Variants in FOXN3 observed in about 807,000 individuals in gnomAD.
FOXN3 encodes forkhead box protein N3.
Under a neutral mutation model 38.4 loss-of-function variants are expected in FOXN3, and 7 were observed. The ratio of observed to expected loss-of-function variants is 0.18; its 90% CI spans 0.10 to 0.34. The LOEUF is 0.34. FOXN3 is among the 10% of genes least tolerant of loss of function. The pLI is 1.00. For missense variants in FOXN3, 456 were observed against 613.4 expected (o/e 0.74, Z 2.71); for synonymous variants, 230 against 242.2 (o/e 0.95, Z 0.47).
chr14:89,444,469 C>A, intron 1 of FOXN3, among the ~76,000 whole-genome samples: 1 of 122,412 alleles, frequency 8.2e-6, no homozygotes, highest in Admixed American at 7.4e-5. Context: ...TAAGTTATCA[C>A]TCTTTCAAGA....
chr14:89,410,547 GC>G (rs1413028967), intron 2 of FOXN3, among the ~76,000 whole-genome samples: 1 of 152,148 alleles, frequency 6.6e-6, no homozygotes, highest in Non-Finnish European at 1.5e-5. Flanking sequence ...CTTAACAGCT[GC>G]CCAATTTCTA....
intron 2 of FOXN3, among the ~76,000 whole-genome samples, chr14:89,378,706 C>CTTTT (rs35772860): frequency 7.3e-5 from 10 of 136,930 alleles, no homozygotes; most frequent in Non-Finnish European, 9.3e-5. Flanking sequence ...TCTTTTTGCA[C>CTTTT]TTTTTTTTTT....
chr14:89,305,260 C>T (rs968401746), intron 3 of FOXN3, among the ~76,000 whole-genome samples: 2 of 152,154 alleles, frequency 1.3e-5, no homozygotes, highest in South Asian at 2.1e-4. Flanking sequence ...TGACTTCAGA[C>T]GTTTATGCTG....
intron 1 of FOXN3, among the ~76,000 whole-genome samples, chr14:89,461,059 C>T (rs1337163215): frequency 1.3e-5 from 2 of 148,724 alleles, no homozygotes; most frequent in African/African-American, 2.5e-5. Flanking sequence ...GGGGGCTGGG[C>T]GCAGTGGCTC....
chr14:89,590,742 G>C (rs945471228), intron 1 of FOXN3, among the ~76,000 whole-genome samples: 1 of 151,986 alleles, frequency 6.6e-6, no homozygotes, highest in Non-Finnish European at 1.5e-5. Flanking sequence ...CCCTCTCCCC[G>C]AGAGTCAGCC....
chr14:89,519,535 G>A (rs1424243817), intron 1 of FOXN3, among the ~76,000 whole-genome samples: 1 of 148,022 alleles, frequency 6.8e-6, no homozygotes, highest in African/African-American at 2.6e-5. Flanking sequence ...GGAAGTTTGG[G>A]CAAAGCTGTT....
chr14:89,173,519 A>G (rs544328154), intron 5 of FOXN3, among the ~76,000 whole-genome samples: 1 of 152,394 alleles, frequency 6.6e-6, no homozygotes, highest in South Asian at 2.1e-4. Context: ...TTGTAATATC[A>G]AAGAACTATT....
chr14:89,581,201 G>T (rs551675694), intron 1 of FOXN3, among the ~76,000 whole-genome samples: 3 of 152,010 alleles, frequency 2.0e-5, no homozygotes, highest in African/African-American at 4.8e-5. Context: ...AACAAAAAAG[G>T]CTGGGTGCGG....
chr14:89,477,551 G>C (rs1893236321), intron 1 of FOXN3, among the ~76,000 whole-genome samples: 1 of 152,226 alleles, frequency 6.6e-6, no homozygotes, highest in Non-Finnish European at 1.5e-5. Context: ...CAACAGCCAA[G>C]AACACAGCTG....
At chr14:89,265,854 A>G (rs1456983841) in intron 4 of FOXN3, among the ~76,000 whole-genome samples, 1 of 152,218 alleles carries the variant, frequency 6.6e-6, no homozygotes, top group African/African-American at 2.4e-5. Flanking sequence ...AGGTCAAGTT[A>G]AAACAATTTC....
chr14:89,486,029 G>T (rs1244747142), intron 1 of FOXN3, among the ~76,000 whole-genome samples: 6 of 152,118 alleles, frequency 3.9e-5, no homozygotes, highest in African/African-American at 7.2e-5. Flanking sequence ...TCATAGCCCT[G>T]GCCCTATGCT....
chr14:89,449,377 T>C (rs1222858327), intron 1 of FOXN3, among the ~76,000 whole-genome samples: 4 of 152,178 alleles, frequency 2.6e-5, no homozygotes, highest in African/African-American at 9.7e-5. Context: ...TACATACACA[T>C]ACCTACACAA....
intron 1 of FOXN3, among the ~76,000 whole-genome samples, chr14:89,610,775 T>C (rs965666529): frequency 6.6e-6 from 1 of 152,236 alleles, no homozygotes; most frequent in African/African-American, 2.4e-5. Context: ...GCACAGTTCC[T>C]GGTATGCAGT....
chr14:89,442,411 C>A (rs960258817), intron 1 of FOXN3, among the ~76,000 whole-genome samples: 1 of 152,174 alleles, frequency 6.6e-6, no homozygotes. Context: ...GGAAACAGGT[C>A]TGCTCTCTCG....
intron 3 of FOXN3, among the ~76,000 whole-genome samples, chr14:89,310,986 A>G (rs965064593): frequency 1.3e-5 from 2 of 151,868 alleles, no homozygotes; most frequent in East Asian, 3.9e-4. Context: ...CACACCTGTA[A>G]TCTCAGCTAC....
chr14:89,381,145 CAAAAAAAAAAA>C (rs71130067), intron 2 of FOXN3, among the ~76,000 whole-genome samples: 22 of 64,204 alleles, frequency 3.4e-4, no homozygotes, highest in South Asian at 8.1e-4. Flanking sequence ...CCCTCCGTCT[CAAAAAAAAAAA>C]AAAAAAAAAA....
chr14:89,314,405 G>A (rs1022524503), intron 3 of FOXN3, among the ~76,000 whole-genome samples: 2 of 145,712 alleles, frequency 1.4e-5, no homozygotes, highest in Non-Finnish European at 3.0e-5. Context: ...TTTTAATAGT[G>A]TATAAATTTA....
At chr14:89,330,921 G>A (rs1023901653) in intron 3 of FOXN3, among the ~76,000 whole-genome samples, 7 of 152,218 alleles carry the variant, frequency 4.6e-5, no homozygotes, top group Non-Finnish European at 1.0e-4. Context: ...GCCCACCAAG[G>A]GGTAGGCTGA....
intron 1 of FOXN3, among the ~76,000 whole-genome samples, chr14:89,530,004 G>A (rs543735096): frequency 8.6e-5 from 13 of 151,132 alleles, no homozygotes; most frequent in Non-Finnish European, 1.0e-4. Flanking sequence ...GCAGTGGTGC[G>A]ATCTTGGCTC....
Sources: gnomAD v4.1 joint callset for allele counts (sites outside exome capture counted in the v4.1 genomes callset) on GRCh38, gnomAD v4.1.1 for gene constraint, MANE v1.5 for transcripts, NCBI Gene and HGNC (gene_info 2026-07-23, HGNC 2026-07-21) for gene names.